The following GRIK1 variants were observed in gnomAD, a reference collection of about 807,000 sequenced individuals.
GRIK1 encodes glutamate ionotropic receptor kainate type subunit 1.
A neutral mutation model predicts 105.7 loss-of-function variants in GRIK1; 69 were observed. The ratio of observed to expected loss-of-function variants is 0.65; its 90% CI spans 0.54 to 0.80. GRIK1 has a LOEUF of 0.80. GRIK1 is among the 30% of genes least tolerant of loss of function. GRIK1 has a pLI of 0.00. For missense variants in GRIK1, 1,109 were observed against 1,167.3 expected (o/e 0.95, Z 0.73); for synonymous variants, 438 against 431.3 (o/e 1.02, Z -0.19).
intron 1 of GRIK1, among the ~76,000 whole-genome samples, chr21:29,794,374 G>A (rs974046938): frequency 1.3e-5 from 2 of 152,172 alleles, no homozygotes; most frequent in Non-Finnish European, 2.9e-5. Flanking sequence ...ATCCAGATCT[G>A]TACATGTCAC....
intron 4 of GRIK1, among the ~76,000 whole-genome samples, chr21:29,668,818 T>A (rs1170345279): frequency 6.6e-6 from 1 of 152,116 alleles, no homozygotes; most frequent in African/African-American, 2.4e-5. Flanking sequence ...AGGGTGTATA[T>A]GAAGGATAAA....
chr21:29,741,115 C>A (rs1386198014), intron 1 of GRIK1, among the ~76,000 whole-genome samples: 1 of 152,178 alleles, frequency 6.6e-6, no homozygotes, highest in Non-Finnish European at 1.5e-5. Flanking sequence ...TCTTGGAAGG[C>A]TTACTCAATG....
At chr21:29,793,249 T>G (rs979456191) in intron 1 of GRIK1, among the ~76,000 whole-genome samples, 2 of 152,188 alleles carry the variant, frequency 1.3e-5, no homozygotes, top group Non-Finnish European at 2.9e-5. Flanking sequence ...CTATTGCTTG[T>G]GGATATTCTT....
chr21:29,922,228 T>C (rs1225470065), intron 1 of GRIK1, among the ~76,000 whole-genome samples: 1 of 152,158 alleles, frequency 6.6e-6, no homozygotes, highest in Admixed American at 6.6e-5. Flanking sequence ...GAAGATATGG[T>C]ATATAAACCT....
At chr21:29,806,437 G>C (rs886897053) in intron 1 of GRIK1, among the ~76,000 whole-genome samples, 1 of 151,856 alleles carries the variant, frequency 6.6e-6, no homozygotes, top group African/African-American at 2.4e-5. Flanking sequence ...GAAATACTTA[G>C]ATTAGCAGGT....
chr21:29,622,550 G>A (rs2062029477), intron 7 of GRIK1, among the ~76,000 whole-genome samples: 1 of 152,182 alleles, frequency 6.6e-6, no homozygotes, highest in Non-Finnish European at 1.5e-5. Context: ...GTTCTGAGAT[G>A]CCAGGGAGAT....
chr21:29,590,940 C>G (rs1051852300), intron 10 of GRIK1, among the ~76,000 whole-genome samples, 172 bp downstream of exon 10: 1 of 152,158 alleles, frequency 6.6e-6, no homozygotes, highest in Non-Finnish European at 1.5e-5. Context: ...ACGTTGGAAG[C>G]GTCTAATTCA....
At chr21:29,766,920 G>A (rs987442320) in intron 1 of GRIK1, among the ~76,000 whole-genome samples, 5 of 152,196 alleles carry the variant, frequency 3.3e-5, no homozygotes, top group African/African-American at 7.2e-5. Context: ...TGCATGAAAG[G>A]CTCTGTTATG....
chr21:29,564,615 T>C (rs558114555), intron 14 of GRIK1, among the ~76,000 whole-genome samples: 12 of 152,274 alleles, frequency 7.9e-5, no homozygotes, highest in Non-Finnish European at 1.8e-4. Context: ...TGGGAAAGGA[T>C]GACACGATTC....
Position 29,939,535 on chromosome 21 carries a change from C to G in GRIK1, c.-35G>C. The G allele has an allele frequency of 7.4e-7, 1 of 1,355,470 alleles. No homozygotes were observed. Among genetic ancestry groups the G allele is most frequent in the Admixed American group, 2.1e-5 (1 of 48,352 alleles). 84.0% of individuals were successfully genotyped at this position (1,355,470 alleles called of 1,614,324 possible). On this transcript the variant is annotated 5_prime_UTR_variant, in exon 1 of 18. Transcript: ENST00000327783. ...TTCTTAATTCATGCCGAGATACAGC[C>G]GCTGCCGGACGCCCGAGAGATGCAC...
intron 7 of GRIK1, among the ~76,000 whole-genome samples, chr21:29,609,493 G>C (rs2061685668): frequency 6.6e-6 from 1 of 152,196 alleles, no homozygotes; most frequent in Non-Finnish European, 1.5e-5. Flanking sequence ...TTCTGGGTGT[G>C]TCTGTGAGAG....
intron 7 of GRIK1, among the ~76,000 whole-genome samples, chr21:29,599,866 C>T (rs986176832): frequency 2.6e-5 from 4 of 152,098 alleles, no homozygotes; most frequent in African/African-American, 9.7e-5. Flanking sequence ...TTCGGGATGC[C>T]GAGGTGGGCG....
At chr21:29,936,381 T>C (rs1235668771) in intron 1 of GRIK1, among the ~76,000 whole-genome samples, 1 of 152,272 alleles carries the variant, frequency 6.6e-6, no homozygotes, top group East Asian at 1.9e-4. Context: ...TAAGTTTACC[T>C]AGATCCTGTT....
chr21:29,670,380 G>A (rs903802036), intron 4 of GRIK1, among the ~76,000 whole-genome samples: 3 of 152,188 alleles, frequency 2.0e-5, no homozygotes, highest in Non-Finnish European at 4.4e-5. Flanking sequence ...TCTTGAGAGT[G>A]CCATTCTTGG....
intron 1 of GRIK1, among the ~76,000 whole-genome samples, chr21:29,878,250 T>C (rs1381269421): frequency 6.6e-6 from 1 of 152,126 alleles, no homozygotes; most frequent in Non-Finnish European, 1.5e-5. Context: ...AGGTCACCTA[T>C]AGCCTCAGCA....
chr21:29,798,867 T>C (rs897993119), intron 1 of GRIK1, among the ~76,000 whole-genome samples: 4 of 152,190 alleles, frequency 2.6e-5, no homozygotes, highest in African/African-American at 9.7e-5. Flanking sequence ...CTGGCTGGCT[T>C]GCTTTACTTG....
intron 1 of GRIK1, among the ~76,000 whole-genome samples, chr21:29,810,128 T>C (rs1405943867): frequency 1.3e-5 from 2 of 151,904 alleles, no homozygotes; most frequent in African/African-American, 2.4e-5. Context: ...TGAAACCCCA[T>C]CTCTACTAAA....
At chr21:29,872,895 T>C (rs2069069505) in intron 1 of GRIK1, among the ~76,000 whole-genome samples, 1 of 152,158 alleles carries the variant, frequency 6.6e-6, no homozygotes, top group African/African-American at 2.4e-5. Flanking sequence ...TGGGTGGGGA[T>C]GCAGCCAAAC....
intron 1 of GRIK1, among the ~76,000 whole-genome samples, chr21:29,715,389 C>G (rs916189725): frequency 2.0e-5 from 3 of 152,054 alleles, no homozygotes; most frequent in Non-Finnish European, 4.4e-5. Context: ...AGGGCTGGGA[C>G]TAGGATGAGG....
Sources: gnomAD v4.1 joint callset for allele counts (sites outside exome capture counted in the v4.1 genomes callset) on GRCh38, gnomAD v4.1.1 for gene constraint, MANE v1.5 for transcripts, NCBI Gene and HGNC (gene_info 2026-07-23, HGNC 2026-07-21) for gene names.